The following ABCB1 variants were observed in gnomAD, a reference collection of about 807,000 sequenced individuals.
ABCB1 encodes ATP binding cassette subfamily B member 1, also known as ATP-dependent translocase ABCB1.
In ABCB1, 69 loss-of-function variants were observed where a neutral mutation model predicts 142.0. The ratio of observed to expected loss-of-function variants is 0.49; its 90% CI spans 0.40 to 0.59. The LOEUF (loss-of-function observed/expected upper bound fraction) is 0.59. Among genes scored for constraint, ABCB1 ranks in the 20% least tolerant of loss-of-function variants. The pLI, the probability that ABCB1 is intolerant of heterozygous loss-of-function variation, is 0.00. For missense variants in ABCB1, 1,326 were observed against 1,554.7 expected (o/e 0.85, Z 2.47); for synonymous variants, 532 against 539.2 (o/e 0.99, Z 0.18).
intron 1 of ABCB1, among the ~76,000 whole-genome samples, chr7:87,702,023 A>G (rs951450825): frequency 2.0e-5 from 3 of 151,308 alleles, no homozygotes; most frequent in Non-Finnish European, 2.9e-5. Flanking sequence ...GGCACCTGTA[A>G]TCCCAGCTAC....
Position 87,549,481 on chromosome 7 carries a change from A to C in ABCB1, c.1592T>G (p.Leu531Trp), listed in dbSNP as rs1477018410. ...DTLVGERGAQLSGGQKQRIAI... is the reference protein window; with the variant it reads ...DTLVGERGAQWSGGQKQRIAI... ...GATCCTCTGCTTCTGCCCACCACTCAACTGGGCCCCTCTCTCTCCAACCAG... is the reference window on the plus strand; with the variant it reads ...GATCCTCTGCTTCTGCCCACCACTCCACTGGGCCCCTCTCTCTCCAACCAG... Residue 531 changes from leucine to tryptophan, a missense_variant, in exon 14 of 28, where the codon TTG becomes TGG. Leu to Trp is a moderately conservative substitution (Grantham distance 61). Coordinates refer to ENST00000622132, the MANE Select transcript of ABCB1 (RefSeq NM_001348946.2). 1 of 1,614,120 alleles carries C rather than the reference A, an allele frequency of 6.2e-7. No individual in the cohort carries two copies. Among genetic ancestry groups the C allele is most frequent in the South Asian group, 1.1e-5 (1 of 91,074 alleles).
chr7:87,511,549 G>A (rs1191254027), intron 25 of ABCB1, among the ~76,000 whole-genome samples: 2 of 152,190 alleles, frequency 1.3e-5, no homozygotes, highest in Non-Finnish European at 2.9e-5. Context: ...TCTGTGATAA[G>A]CATGTCTCAT....
At chr7:87,599,679 C>T (rs1404729584) in intron 2 of ABCB1, among the ~76,000 whole-genome samples, 1 of 152,086 alleles carries the variant, frequency 6.6e-6, no homozygotes, top group Non-Finnish European at 1.5e-5. Context: ...CAAATAAGTT[C>T]CAATGTTCGA....
chr7:87,562,667 T>G (rs1817610494), intron 7 of ABCB1, among the ~76,000 whole-genome samples: 1 of 152,022 alleles, frequency 6.6e-6, no homozygotes, highest in African/African-American at 2.4e-5. Context: ...TCTAGCTCCC[T>G]TTTCCTTCTA....
intron 21 of ABCB1, chr7:87,521,077 C>A: frequency 1.8e-6 from 1 of 560,606 alleles, no homozygotes; most frequent in Non-Finnish European, 3.2e-6. Flanking sequence ...CTAATTCAAA[C>A]TTCTCCTTTG....
At position 87,656,439 on chromosome 7, in the gene ABCB1, G is replaced by C. The variant is rs112144229; in HGVS notation, c.-330-55361C>G. On this transcript the variant is annotated intron_variant, in intron 1 of 28. Coordinates refer to the ABCB1 transcript ENST00000265724. ...AAGCTGAGGACTGGAACGATGCAGA[G>C]ATTCCAGTCTGGATGTGGTCATTAC... Among the ~76,000 whole-genome samples the C allele has an allele frequency of 6.1e-3, 932 of 152,162 alleles. 10 individuals carry two copies. The highest frequency in any genetic ancestry group is 0.01 in the Non-Finnish European group (687 of 67,982).
intron 4 of ABCB1, 110 bp from the exon 5 acceptor site, chr7:87,570,333 G>C: frequency 9.2e-7 from 1 of 1,085,296 alleles, no homozygotes; most frequent in Non-Finnish European, 1.4e-6. Context: ...CATAAAAATA[G>C]GTCGAACTGA....
At chr7:87,711,658 T>C (rs1830097194) in intron 1 of ABCB1, among the ~76,000 whole-genome samples, 1 of 152,174 alleles carries the variant, frequency 6.6e-6, no homozygotes, top group Non-Finnish European at 1.5e-5. Context: ...CACTAACACA[T>C]GCCATGTATA....
At chr7:87,659,051 G>A (rs571032121) in intron 1 of ABCB1, among the ~76,000 whole-genome samples, 2 of 152,204 alleles carry the variant, frequency 1.3e-5, no homozygotes, top group South Asian at 2.1e-4. Flanking sequence ...CTATTTGGGC[G>A]GCTGAGGTGG....
chr7:87,620,731 A>G (rs755371749), intron 1 of ABCB1, among the ~76,000 whole-genome samples: 6 of 152,224 alleles, frequency 3.9e-5, no homozygotes, highest in African/African-American at 7.2e-5. Context: ...AGCACAGAAA[A>G]TCTTTTCTAA....
At chr7:87,631,430 T>A (rs976920108) in intron 1 of ABCB1, among the ~76,000 whole-genome samples, 13 of 152,200 alleles carry the variant, frequency 8.5e-5, no homozygotes, top group Admixed American at 8.5e-4. Flanking sequence ...TCGCTCTGTC[T>A]CCCAGGCTGG....
chr7:87,610,094 T>G (rs1432192191), intron 1 of ABCB1, among the ~76,000 whole-genome samples: 1 of 152,162 alleles, frequency 6.6e-6, no homozygotes, highest in Non-Finnish European at 1.5e-5. Flanking sequence ...TCCAATGAGA[T>G]ATTTTGTAAT....
chr7:87,634,862 T>A (rs1422745474), intron 1 of ABCB1, among the ~76,000 whole-genome samples: 1 of 152,136 alleles, frequency 6.6e-6, no homozygotes, highest in African/African-American at 2.4e-5. Context: ...TATTAAATAT[T>A]TCTAAGGATT....
At chr7:87,622,137 T>A (rs1033851343) in intron 1 of ABCB1, among the ~76,000 whole-genome samples, 7 of 152,094 alleles carry the variant, frequency 4.6e-5, no homozygotes, top group Non-Finnish European at 8.8e-5. Flanking sequence ...TTATATAAAA[T>A]TTTTTAAACA....
At chr7:87,642,591 A>G (rs1822561863) in intron 1 of ABCB1, among the ~76,000 whole-genome samples, 1 of 152,052 alleles carries the variant, frequency 6.6e-6, no homozygotes, top group Non-Finnish European at 1.5e-5. Context: ...TTTTAGATGA[A>G]TCTTTTTGGA....
chr7:87,709,605 A>G lies in ABCB1; in HGVS notation c.-331+3556T>C, dbSNP rs1583952877. The G allele has an allele frequency of 7.2e-6, 5 of 690,010 alleles. No individual in the cohort carries two copies. The South Asian group carries it at 1.9e-4, about 27-fold the overall frequency. 42.7% of individuals were successfully genotyped at this position (690,010 alleles called of 1,614,324 possible). A position where few individuals can be genotyped will look rare whatever the true frequency, so the allele number is the denominator to read the frequency against. The stretch of plus-strand genomic sequence containing the variant: ...GCCTGACAGGTTTTAACTACTGCCT[A>G]TATTGACTCCTTTGTGACCTTTCCT... On this transcript the variant is annotated intron_variant, in intron 1 of 28. Transcript: ENST00000265724.
chr7:87,539,402 GAGAATT>G (rs2117152826), intron 18 of ABCB1, 57 bp from the exon 19 acceptor site: 1 of 1,507,366 alleles, frequency 6.6e-7, no homozygotes, highest in African/African-American at 1.4e-5. Context: ...TAAAAGGAGG[GAGAATT>G]GATGTCTTTG....
intron 1 of ABCB1, among the ~76,000 whole-genome samples, chr7:87,625,672 C>T (rs532994282): frequency 2.0e-4 from 30 of 152,162 alleles, no homozygotes; most frequent in Non-Finnish European, 3.8e-4. Context: ...CTGATGGCTA[C>T]TTCTGAATCC....
chr7:87,565,098 C>A (rs1167698071), intron 7 of ABCB1, among the ~76,000 whole-genome samples: 1 of 152,176 alleles, frequency 6.6e-6, no homozygotes, highest in Non-Finnish European at 1.5e-5. Context: ...AGAAAGATAA[C>A]ACAGGCATTT....
Sources: gnomAD v4.1 joint callset for allele counts (sites outside exome capture counted in the v4.1 genomes callset) on GRCh38, gnomAD v4.1.1 for gene constraint, MANE v1.5 for transcripts, NCBI Gene and HGNC (gene_info 2026-07-23, HGNC 2026-07-21) for gene names.